Variants in CTNND2 observed in about 807,000 individuals in gnomAD.
CTNND2 encodes the protein catenin delta-2.
CTNND2 carries 22 observed loss-of-function variants against 144.4 expected under a neutral mutation model. The ratio of observed to expected loss-of-function variants is 0.15; its 90% confidence interval spans 0.11 to 0.22. The LOEUF (loss-of-function observed/expected upper bound fraction) is 0.22. Ranked by LOEUF, CTNND2 falls within the 10% of genes least tolerant of loss-of-function variation. CTNND2 has a pLI of 1.00. For synonymous variants in CTNND2, 751 were observed against 695.6 expected (o/e 1.08, Z -1.25); for missense variants, 1,353 against 1,618.8 (o/e 0.84, Z 2.82).
At chr5:11,667,400 C>T (rs1409362985) in intron 2 of CTNND2, among the ~76,000 whole-genome samples, 1 of 152,178 alleles carries the variant, frequency 6.6e-6, no homozygotes, top group Admixed American at 6.5e-5. Flanking sequence ...AAAAGTGTTC[C>T]TATTTCTCCA....
intron 11 of CTNND2, among the ~76,000 whole-genome samples, chr5:11,159,973 T>A (rs1159159841): frequency 1.3e-5 from 2 of 152,226 alleles, no homozygotes; most frequent in East Asian, 3.8e-4. Context: ...AACTGTGACA[T>A]GATTATCTTT....
intron 3 of CTNND2, among the ~76,000 whole-genome samples, chr5:11,554,692 T>C (rs1344376121): frequency 6.6e-6 from 1 of 152,136 alleles, no homozygotes; most frequent in African/African-American, 2.4e-5. Context: ...TTAGAACTAC[T>C]ATCATCCTTT....
At chr5:11,443,244 G>GTGTGTGC (rs555418828) in intron 3 of CTNND2, among the ~76,000 whole-genome samples, 3 of 124,872 alleles carry the variant, frequency 2.4e-5, no homozygotes, top group African/African-American at 7.4e-5. Context: ...TGATGTGTGT[G>GTGTGTGC]TGTGTGTGCT....
Position 11,702,577 on chromosome 5 carries a change from CT to C in CTNND2, c.174+29558del, listed in dbSNP as rs531837154. ...TACTGTCCCTCTTATCTTTCTTCTT[CT>C]ACCCAGAATTGCAAAGACAATTACA... On this transcript the variant is annotated intron_variant, in intron 2 of 21. Coordinates refer to ENST00000304623, the MANE Select transcript of CTNND2 (RefSeq NM_001332.4). Among the ~76,000 whole-genome samples, 30 of 152,290 alleles carry C rather than the reference CT, an allele frequency of 2.0e-4. No individual in the cohort carries two copies. The East Asian group carries it at 5.4e-3, about 27-fold the overall frequency.
At chr5:11,030,724 C>G (rs1743357981) in intron 16 of CTNND2, among the ~76,000 whole-genome samples, 1 of 145,572 alleles carries the variant, frequency 6.9e-6, no homozygotes. Flanking sequence ...AGTAGATCTA[C>G]CTTTGTGCCA....
chr5:11,675,819 T>C (rs1179267070), intron 2 of CTNND2, among the ~76,000 whole-genome samples: 1 of 151,902 alleles, frequency 6.6e-6, no homozygotes. Context: ...TTTTCTCTAA[T>C]CTTGTCTTCT....
intron 6 of CTNND2, among the ~76,000 whole-genome samples, chr5:11,387,446 A>G (rs1034941328): frequency 6.6e-6 from 1 of 152,080 alleles, no homozygotes; most frequent in African/African-American, 2.4e-5. Context: ...CTGCATTTCT[A>G]ACAATCTCCC....
At chr5:11,066,631 G>T (rs1029345473) in intron 16 of CTNND2, among the ~76,000 whole-genome samples, 1 of 152,174 alleles carries the variant, frequency 6.6e-6, no homozygotes, top group South Asian at 2.1e-4. Flanking sequence ...CCTGAGGGCT[G>T]TGTCATGGGC....
In CTNND2 at chr5:11,653,948, T is replaced by A. The variant is rs1018801457; in HGVS notation, c.174+78188A>T. Among the ~76,000 whole-genome samples the A allele has an allele frequency of 3.3e-5, 5 of 152,088 alleles. No individual in the cohort carries two copies. The South Asian group carries it at 6.2e-4, about 19-fold the overall frequency. On this transcript the variant is annotated intron_variant, in intron 2 of 21. Coordinates refer to ENST00000304623, the MANE Select transcript of CTNND2 (RefSeq NM_001332.4). ...TTTAAGATTAAGGGTTCAATTTCAT[T>A]ATTTTGCATGTGGATATCCAATTTT...
intron 10 of CTNND2, among the ~76,000 whole-genome samples, chr5:11,231,325 G>A (rs1740986072): frequency 1.3e-5 from 2 of 152,128 alleles, no homozygotes; most frequent in South Asian, 4.1e-4. Context: ...TAGGTAATGG[G>A]CAGAGGTTGG....
Position 11,880,567 on chromosome 5 carries a change from GTACTAC to G in CTNND2, c.37+23244_37+23249del, listed in dbSNP as rs10559386. 1.0e-4 allele frequency among the ~76,000 whole-genome samples: 14 copies of G among 134,308 alleles called. 1 individual carries two copies. The highest frequency in any genetic ancestry group is 4.4e-4 in the Admixed American group (6 of 13,636). 88.1% of individuals were successfully genotyped at this position (134,308 alleles called of 152,430 possible). Reference sequence around the variant, plus strand: ...ACTACTACCACTACTACTGCTACTAGTACTACTACTACTACCACTACTCCTACTATC... The same window carrying G: ...ACTACTACCACTACTACTGCTACTAGTACTACTACCACTACTCCTACTATC... On this transcript the variant is annotated intron_variant, in intron 1 of 21. Transcript: ENST00000304623.
chr5:11,117,919 G>C (rs1217457340), intron 12 of CTNND2, among the ~76,000 whole-genome samples: 3 of 152,178 alleles, frequency 2.0e-5, no homozygotes, highest in Non-Finnish European at 4.4e-5. Context: ...TCTTTGAGAG[G>C]TCCGAAACAC....
At chr5:11,217,729 A>C (rs1245768976) in intron 10 of CTNND2, among the ~76,000 whole-genome samples, 1 of 152,220 alleles carries the variant, frequency 6.6e-6, no homozygotes, top group Non-Finnish European at 1.5e-5. Flanking sequence ...CCAGTGCCTA[A>C]GAGCAAGCCA....
At chr5:11,869,095 T>C (rs1290721390) in intron 1 of CTNND2, among the ~76,000 whole-genome samples, 1 of 152,082 alleles carries the variant, frequency 6.6e-6, no homozygotes, top group Non-Finnish European at 1.5e-5. Context: ...ACATGGAAAA[T>C]ACGTGTTGGT....
intron 12 of CTNND2, among the ~76,000 whole-genome samples, chr5:11,130,752 G>A (rs528902015): frequency 1.3e-5 from 2 of 152,158 alleles, no homozygotes; most frequent in South Asian, 2.1e-4. Flanking sequence ...TTTCATGACC[G>A]GACGACGTCT....
intron 3 of CTNND2, among the ~76,000 whole-genome samples, chr5:11,519,151 A>G (rs1772485713): frequency 1.3e-5 from 2 of 152,334 alleles, no homozygotes; most frequent in East Asian, 3.9e-4. Flanking sequence ...TCATCTCAAC[A>G]TGCCTAGCAA....
At chr5:11,412,458 T>G (rs1052817339) in intron 3 of CTNND2, among the ~76,000 whole-genome samples, 4 of 152,118 alleles carry the variant, frequency 2.6e-5, no homozygotes, top group African/African-American at 9.7e-5. Flanking sequence ...TAACTATCCC[T>G]TTTTTTATTA....
intron 9 of CTNND2, among the ~76,000 whole-genome samples, chr5:11,251,245 C>A (rs578159449): frequency 3.3e-5 from 5 of 152,258 alleles, no homozygotes; most frequent in African/African-American, 1.2e-4. Context: ...CCCCCCAGGC[C>A]AAAATAAATG....
rs1029064140 is a variant in CTNND2, at chr5:11,588,816, A to T, written c.175-23760T>A. 11 of 985,238 alleles carry T rather than the reference A, an allele frequency of 1.1e-5. No individual in the cohort carries two copies. In the African/African-American group the frequency reaches 1.9e-4, roughly 17 times the overall value. 61.0% of individuals were successfully genotyped at this position (985,238 alleles called of 1,614,324 possible). ...GCAAACAAGACGACTAGTCCCAAAG[A>T]TGAAGGGTTACTCTTCCCTCCTTCC... On this transcript the variant is annotated intron_variant, in intron 2 of 21. Coordinates refer to ENST00000304623, the MANE Select transcript of CTNND2 (RefSeq NM_001332.4).
Sources: gnomAD v4.1 joint callset for allele counts (sites outside exome capture counted in the v4.1 genomes callset) on GRCh38, gnomAD v4.1.1 for gene constraint, MANE v1.5 for transcripts, NCBI Gene and HGNC (gene_info 2026-07-23, HGNC 2026-07-21) for gene names.